The following MCOLN2 variants were observed in gnomAD, a reference collection of about 807,000 sequenced individuals.
MCOLN2 encodes mucolipin TRP cation channel 2.
In MCOLN2, 57 loss-of-function variants were observed where a neutral mutation model predicts 67.5. That is an observed-to-expected ratio of 0.84 (90% CI 0.68 to 1.05). The LOEUF is 1.05. MCOLN2 is among the 50% of genes least tolerant of loss of function. The pLI is 0.00. For synonymous variants in MCOLN2, 246 were observed against 233.3 expected, an observed-to-expected ratio of 1.05 and a Z score of -0.50; for missense variants, 620 against 678.8, an observed-to-expected ratio of 0.91 and a Z score of 0.96.
At chr1:84,942,781 T>C (rs1267398446) in intron 7 of MCOLN2, among the ~76,000 whole-genome samples, 1 of 152,034 alleles carries the variant, frequency 6.6e-6, no homozygotes, top group Non-Finnish European at 1.5e-5. Context: ...CATAGATTTA[T>C]GGGTTATCAA....
At position 84,931,547 on chromosome 1, in the gene MCOLN2, C is replaced by T. The variant is rs145766486; in HGVS notation, c.1357G>A (p.Ala453Thr). 1 of 1,613,954 alleles carries T rather than the reference C, an allele frequency of 6.2e-7. No homozygotes were observed. The highest frequency in any genetic ancestry group is 8.5e-7 in the Non-Finnish European group (1 of 1,179,938). Residue 453 changes from alanine to threonine, a missense_variant, in exon 12 of 14, where the codon GCT (alanine) becomes ACT (threonine). Ala to Thr is a moderately conservative substitution (Grantham distance 58). Coordinates refer to ENST00000370608, the MANE Select transcript of MCOLN2 (RefSeq NM_153259.4). ...HDKFENLNTVAECLFSLVNGD... is the reference protein window; with the variant it reads ...HDKFENLNTVTECLFSLVNGD... ...TTGACCAGAGAAAACAGACACTCAG[C>T]AACTGTGTTCAGATTTTCAAACTGT... is the stretch of plus-strand genomic sequence containing the variant.
chr1:84,990,297 C>CAAAAAAACAAAAAAA (rs1650822934), intron 1 of MCOLN2, among the ~76,000 whole-genome samples: 1 of 34,958 alleles, frequency 2.9e-5, no homozygotes, highest in Admixed American at 5.1e-4. Context: ...GACTCCATCT[C>CAAAAAAACAAAAAAA]AAAAAAAAAA....
intron 1 of MCOLN2, among the ~76,000 whole-genome samples, chr1:84,975,172 C>T (rs1000252177): frequency 6.6e-6 from 1 of 152,116 alleles, no homozygotes; most frequent in Non-Finnish European, 1.5e-5. Context: ...AACTATAGAG[C>T]CCCAGAGCCA....
intron 1 of MCOLN2, among the ~76,000 whole-genome samples, chr1:84,985,386 A>G (rs1359160939): frequency 6.6e-6 from 1 of 152,170 alleles, no homozygotes; most frequent in Admixed American, 6.5e-5. Flanking sequence ...GGGGCACAGT[A>G]TGGGTTCTTC....
intron 13 of MCOLN2, among the ~76,000 whole-genome samples, chr1:84,927,799 T>C (rs1377935329): frequency 6.6e-6 from 1 of 152,222 alleles, no homozygotes; most frequent in Non-Finnish European, 1.5e-5. Context: ...TATTTTATTT[T>C]TTAAGAGGCG....
chr1:84,975,764 G>A (rs1483033436), intron 1 of MCOLN2, among the ~76,000 whole-genome samples: 6 of 152,000 alleles, frequency 3.9e-5, no homozygotes, highest in Non-Finnish European at 8.8e-5. Context: ...CTCTTTTAAG[G>A]AAACTCAAAG....
At position 84,925,892 on chromosome 1, in the gene MCOLN2, A is replaced by ATTT. The variant is rs5775806; in HGVS notation, c.*790_*792dup. On this transcript the variant is annotated 3_prime_UTR_variant, in exon 14 of 14. Coordinates refer to ENST00000370608, the MANE Select transcript of MCOLN2 (RefSeq NM_153259.4). Reference sequence around the variant, plus strand: ...AGGTCTTTTTGTTGATTTAAGGGTGATTTTTTTTTTTTTTTGAGACAGGAT... The same window carrying ATTT: ...AGGTCTTTTTGTTGATTTAAGGGTGATTTTTTTTTTTTTTTTTTGAGACAGGAT... 3 of 143,314 alleles carry ATTT rather than the reference A, an allele frequency of 2.1e-5. No individual in the cohort carries two copies. The highest frequency in any genetic ancestry group is 5.1e-5 in the African/African-American group (2 of 39,026). The allele number at this position is 143,314 out of a possible 1,614,324, so 8.9% of individuals were successfully genotyped here.
rs1648869933 is a variant in MCOLN2, at chr1:84,957,773, TC to T, written c.411+755del. ...AGCATTTGATATTACACATTTCACT[TC>T]TTTTTGTCTAGCTCTTCGTTCCAGA... On this transcript the variant is annotated intron_variant, in intron 3 of 13. Coordinates refer to ENST00000370608, the MANE Select transcript of MCOLN2 (RefSeq NM_153259.4). Among the ~76,000 whole-genome samples, 3 of 152,340 alleles carry T rather than the reference TC, an allele frequency of 2.0e-5. No individual in the cohort carries two copies. The South Asian group carries it at 6.2e-4, about 32-fold the overall frequency.
intron 1 of MCOLN2, among the ~76,000 whole-genome samples, chr1:84,972,459 T>C (rs1649748332): frequency 1.3e-5 from 2 of 151,924 alleles, no homozygotes; most frequent in Admixed American, 1.3e-4. Context: ...AGATCTGAAA[T>C]AGAATAGAAA....
rs144555852 is a variant in MCOLN2 at position 84,978,926 on chromosome 1, C to G, written c.78-13218G>C. On this transcript the variant is annotated intron_variant, in intron 1 of 13. Coordinates refer to ENST00000370608, the MANE Select transcript of MCOLN2 (RefSeq NM_153259.4). ...GGTTGAGGAGCAAGGAGAGCCAGTC[C>G]GAGTTCTAAAACTGAAGAACTTGGA... Among the ~76,000 whole-genome samples, 18 of 152,168 alleles carry G rather than the reference C, an allele frequency of 1.2e-4. No homozygotes were observed. The East Asian group carries it at 3.5e-3, about 29-fold the overall frequency.
chr1:84,941,157 A>C (rs879719908), intron 7 of MCOLN2, among the ~76,000 whole-genome samples, 166 bp from the exon 8 acceptor site: 4 of 152,254 alleles, frequency 2.6e-5, no homozygotes, highest in Non-Finnish European at 4.4e-5. Flanking sequence ...TCAGAAGTAC[A>C]TATGTAAGGC....
chr1:84,941,610 C>A (rs549277801), intron 7 of MCOLN2, among the ~76,000 whole-genome samples: 1 of 152,134 alleles, frequency 6.6e-6, no homozygotes, highest in Non-Finnish European at 1.5e-5. Context: ...AGAAAGTGAT[C>A]CATTTGGGCT....
In MCOLN2 at chr1:84,993,882, G is replaced by A. The variant is rs186272928; in HGVS notation, c.77+2914C>T. Among the ~76,000 whole-genome samples, 1,213 of 151,476 alleles carry A rather than the reference G, an allele frequency of 8.0e-3. 17 individuals are homozygous for A. The highest frequency in any genetic ancestry group is 0.028 in the African/African-American group (1,149 of 41,300). On this transcript the variant is annotated intron_variant, in intron 1 of 13. Transcript: ENST00000370608. ...CCTGACCTCATGATCCACCCGCCTC[G>A]GCCTCCCAAAGTGCTGGGATTACAG...
chr1:84,951,485 A>G (rs1234048027), intron 6 of MCOLN2, among the ~76,000 whole-genome samples: 1 of 152,194 alleles, frequency 6.6e-6, no homozygotes, highest in Non-Finnish European at 1.5e-5. Flanking sequence ...CCCCTCCCAA[A>G]ATAAAAAGAG....
chr1:84,960,966 T>C (rs1393443494), intron 2 of MCOLN2, among the ~76,000 whole-genome samples: 3 of 152,224 alleles, frequency 2.0e-5, no homozygotes, highest in Non-Finnish European at 4.4e-5. Flanking sequence ...TTATTATTTC[T>C]CATTTAATTC....
intron 1 of MCOLN2, among the ~76,000 whole-genome samples, chr1:84,977,315 A>G (rs1650035020): frequency 6.6e-6 from 1 of 151,786 alleles, no homozygotes; most frequent in Admixed American, 6.6e-5. Context: ...TTAAAGGAAG[A>G]CAAGAAAGAA....
chr1:84,967,617 GTAT>G (rs1315487837), intron 1 of MCOLN2, among the ~76,000 whole-genome samples: 19 of 151,848 alleles, frequency 1.3e-4, no homozygotes. Flanking sequence ...CCTGTTTCTA[GTAT>G]TAGTGGGCTA....
chr1:84,960,364 T>C (rs899807182), intron 2 of MCOLN2, among the ~76,000 whole-genome samples: 27 of 152,202 alleles, frequency 1.8e-4, no homozygotes, highest in African/African-American at 6.5e-4. Context: ...AAGTCATCTG[T>C]GTTATGCTAT....
chr1:84,947,331 G>A (rs1648170739), intron 6 of MCOLN2, among the ~76,000 whole-genome samples, 199 bp from the exon 7 acceptor site: 1 of 144,026 alleles, frequency 6.9e-6, no homozygotes, highest in Non-Finnish European at 1.5e-5. Context: ...CACACACACG[G>A]GACCAAAATA....
Sources: allele counts gnomAD v4.1 joint callset (sites outside exome capture counted in the v4.1 genomes callset), GRCh38; gene constraint gnomAD v4.1.1; transcripts MANE v1.5; gene names NCBI Gene and HGNC (gene_info 2026-07-23, HGNC 2026-07-21).